The following UROC1 variants were observed in gnomAD, a reference collection of about 807,000 sequenced individuals.
UROC1 encodes urocanate hydratase 1.
Under a neutral mutation model 89.5 loss-of-function variants are expected in UROC1, and 79 were observed. The ratio of observed to expected loss-of-function variants is 0.88; its 90% CI spans 0.74 to 1.06. The LOEUF (loss-of-function observed/expected upper bound fraction) is 1.06, where lower values mean the gene tolerates loss of function less well. Among genes scored for constraint, UROC1 ranks in the 50% least tolerant of loss-of-function variants. The pLI is 0.00. For synonymous variants in UROC1, 361 were observed against 354.8 expected (o/e 1.02, Z -0.20); for missense variants, 885 against 907.8 (o/e 0.97, Z 0.32).
Position 126,501,300 on chromosome 3 carries a change from G to C in UROC1, c.903-20C>G, listed in dbSNP as rs1362842562. ...GCTTCCCTGGAAGGACACAAAAGCA[G>C]AACAGGTGCCCCCTGCACCTGTGCA... is the stretch of plus-strand genomic sequence containing the variant. On this transcript the variant is annotated intron_variant, in intron 9 of 19. Transcript: ENST00000290868. The C allele has an allele frequency of 6.2e-7, 1 of 1,613,600 alleles. No homozygotes were observed. Among genetic ancestry groups the C allele is most frequent in the African/African-American group, 1.3e-5 (1 of 74,926 alleles).
intron 17 of UROC1, 113 bp from the exon 18 acceptor site, chr3:126,488,392 G>C: frequency 4.3e-6 from 5 of 1,163,818 alleles, no homozygotes; most frequent in Non-Finnish European, 6.4e-6. Context: ...AGGATGGGGC[G>C]GCAACTAGGC....
At chr3:126,488,982 A>G (rs952567994) in intron 17 of UROC1, among the ~76,000 whole-genome samples, 5 of 152,160 alleles carry the variant, frequency 3.3e-5, no homozygotes, top group African/African-American at 7.2e-5. Context: ...CAGGAGCCAA[A>G]AAAGGCAAGA....
intron 18 of UROC1, among the ~76,000 whole-genome samples, chr3:126,484,189 G>GGTTTCATTT (rs1935459177): frequency 6.6e-6 from 1 of 152,108 alleles, no homozygotes; most frequent in Non-Finnish European, 1.5e-5. Flanking sequence ...ATATGTTCTT[G>GGTTTCATTT]GTTTCATTTG....
At chr3:126,483,523 G>T in intron 18 of UROC1, 55 bp from the exon 19 acceptor site, 1 of 1,517,010 alleles carries the variant, frequency 6.6e-7, no homozygotes, top group Non-Finnish European at 9.1e-7. Context: ...ACTGCACAGA[G>T]CAGGCAGAAG....
intron 11 of UROC1, 105 bp downstream of exon 11, chr3:126,500,590 C>T (rs996959756): frequency 2.7e-6 from 4 of 1,464,526 alleles, no homozygotes; most frequent in Non-Finnish European, 9.5e-7. Context: ...AAGGTCTTGC[C>T]CAAGGCCAAG....
rs991763719 is a variant in UROC1 at position 126,504,004 on chromosome 3, T to C, written c.893A>G (p.Gln298Arg). The C allele has an allele frequency of 5.0e-6, 8 of 1,614,058 alleles. No homozygotes were observed. In the African/African-American group the frequency reaches 5.3e-5, roughly 11 times the overall value. The change falls in exon 9 of 20, where the codon CAG becomes CGG. Residue 298 changes from glutamine (Q) to arginine (R), a missense_variant. Physicochemically the swap from Gln to Arg is conservative, Grantham distance 43. Coordinates refer to ENST00000290868, the MANE Select transcript of UROC1 (RefSeq NM_144639.3). ...GAGCTTGGAGCTGTACCTGAGCCTC[T>C]GGATGCAGCGGTCCAAGCTGTCAGT... ...EVTDSLDRCI[Q>R]RLREARKKKE...
chr3:126,482,145 G>A lies in UROC1; in HGVS notation c.*200C>T. ...TGCAAGTGGCATGGTTGTGGACAGA[G>A]AGCTGCATGTCTCTGGGCCTCAGGG... On this transcript the variant is annotated 3_prime_UTR_variant, in exon 20 of 20. Coordinates refer to ENST00000290868, the MANE Select transcript of UROC1 (RefSeq NM_144639.3). The A allele has an allele frequency of 2.8e-6, 2 of 705,222 alleles. No homozygotes were observed. Among genetic ancestry groups the A allele is most frequent in the South Asian group, 3.7e-5 (2 of 53,652 alleles). The allele number at this position is 705,222 out of a possible 1,614,324, so 43.7% of individuals were successfully genotyped here.
intron 18 of UROC1, among the ~76,000 whole-genome samples, chr3:126,484,889 G>A (rs1237866751): frequency 6.6e-6 from 1 of 152,220 alleles, no homozygotes. Flanking sequence ...CCAGTGTCCT[G>A]CAGCTAGAGA....
chr3:126,514,185 G>C (rs1281829789), intron 1 of UROC1, among the ~76,000 whole-genome samples: 2 of 152,240 alleles, frequency 1.3e-5, no homozygotes, highest in Admixed American at 6.5e-5. Context: ...ATCTGCTGCT[G>C]TCACTGGAGA....
chr3:126,509,496 T>C (rs1375024130), intron 3 of UROC1, 89 bp downstream of exon 3: 1 of 1,268,546 alleles, frequency 7.9e-7, no homozygotes, highest in East Asian at 2.5e-5. Context: ...TATAATTATC[T>C]CAAAATTAAG....
intron 16 of UROC1, among the ~76,000 whole-genome samples, chr3:126,491,118 T>C (rs1935640866): frequency 6.6e-6 from 1 of 152,218 alleles, no homozygotes; most frequent in Non-Finnish European, 1.5e-5. Context: ...ACCTGTGCAA[T>C]GAAACCACCT....
Position 126,481,987 on chromosome 3 carries a change from G to T in UROC1, c.*358C>A. The stretch of plus-strand genomic sequence containing the variant: ...AGCAGACAGACAGAGTTGCATGGAG[G>T]CTGGCAGGTGGCCAGGAAGCAGAGG... On this transcript the variant is annotated 3_prime_UTR_variant, in exon 20 of 20. Transcript: ENST00000290868. 3.1e-6 allele frequency: 1 copy of T among 327,540 alleles called. No homozygotes were observed. Among genetic ancestry groups the T allele is most frequent in the Non-Finnish European group, 5.8e-6 (1 of 171,880 alleles). The allele number at this position is 327,540 out of a possible 1,614,324, so 20.3% of individuals were successfully genotyped here. A position where few individuals can be genotyped will look rare whatever the true frequency, so the allele number is the denominator to read the frequency against.
intron 14 of UROC1, among the ~76,000 whole-genome samples, chr3:126,497,071 C>T (rs1935793364): frequency 6.6e-6 from 1 of 152,222 alleles, no homozygotes. Flanking sequence ...CCCTGCTTCC[C>T]CTGCCCTCCT....
intron 18 of UROC1, among the ~76,000 whole-genome samples, chr3:126,487,003 T>A (rs1935534562): frequency 6.6e-6 from 1 of 152,226 alleles, no homozygotes; most frequent in Admixed American, 6.5e-5. Context: ...TCAGTCTGTG[T>A]CCCTGTCCAC....
Position 126,511,362 on chromosome 3 carries a change from C to G in UROC1, c.127-568G>C, listed in dbSNP as rs532497377. Among the ~76,000 whole-genome samples, 5 of 152,306 alleles carry G rather than the reference C, an allele frequency of 3.3e-5. No homozygotes were observed. In the South Asian group the frequency reaches 1.0e-3, roughly 32 times the overall value. ...ACGTGGGTTCTAATACATCCATCCT[C>G]TTCTAACTCCTTTCATTTCACTTTC... On this transcript the variant is annotated intron_variant, in intron 1 of 19. Transcript: ENST00000290868.
At chr3:126,492,697 T>C (rs1383114275) in intron 15 of UROC1, among the ~76,000 whole-genome samples, 181 bp from the exon 16 acceptor site, 1 of 152,062 alleles carries the variant, frequency 6.6e-6, no homozygotes, top group Non-Finnish European at 1.5e-5. Flanking sequence ...TGGCCTGAGG[T>C]GAGCCCCCAC....
chr3:126,483,890 AT>A (rs1935451445), intron 18 of UROC1, among the ~76,000 whole-genome samples: 1 of 152,204 alleles, frequency 6.6e-6, no homozygotes, highest in African/African-American at 2.4e-5. Context: ...TTTAAAAAAA[AT>A]ATTTTTTTAG....
chr3:126,495,144 C>A (rs1935748410), intron 15 of UROC1, among the ~76,000 whole-genome samples: 1 of 152,226 alleles, frequency 6.6e-6, no homozygotes, highest in African/African-American at 2.4e-5. Context: ...ACCTGCCCAA[C>A]TCTAGTCGCT....
intron 1 of UROC1, among the ~76,000 whole-genome samples, chr3:126,514,528 C>T (rs146027599): frequency 5.9e-5 from 9 of 152,172 alleles, no homozygotes; most frequent in African/African-American, 9.6e-5. Context: ...CCGTTAAAGA[C>T]GAGCAAAGAA....
Sources: allele counts gnomAD v4.1 joint callset (sites outside exome capture counted in the v4.1 genomes callset), GRCh38; gene constraint gnomAD v4.1.1; transcripts MANE v1.5; gene names NCBI Gene and HGNC (gene_info 2026-07-23, HGNC 2026-07-21).